The following CARMIL1 variants were observed in gnomAD, a reference collection of about 807,000 sequenced individuals.
CARMIL1 encodes F-actin-uncapping protein LRRC16A.
A neutral mutation model predicts 177.1 loss-of-function variants in CARMIL1; 90 were observed. The ratio of observed to expected loss-of-function variants is 0.51; its 90% CI spans 0.43 to 0.61. CARMIL1 has a LOEUF of 0.61. Among genes scored for constraint, CARMIL1 ranks in the 20% least tolerant of loss-of-function variants. CARMIL1 has a pLI of 0.00. For synonymous variants in CARMIL1, 577 were observed against 606.2 expected, an observed-to-expected ratio of 0.95 and a Z score of 0.71; for missense variants, 1,380 against 1,667.0, an observed-to-expected ratio of 0.83 and a Z score of 3.00.
chr6:25,544,137 C>G (rs1809191656), intron 26 of CARMIL1, among the ~76,000 whole-genome samples: 2 of 152,020 alleles, frequency 1.3e-5, no homozygotes, highest in African/African-American at 4.8e-5. Flanking sequence ...AGAAATTTAG[C>G]ATAAACCTAA....
intron 5 of CARMIL1, among the ~76,000 whole-genome samples, chr6:25,440,705 A>G (rs1797667583): frequency 6.6e-6 from 1 of 152,176 alleles, no homozygotes; most frequent in Non-Finnish European, 1.5e-5. Context: ...ATAATGCACA[A>G]TAGAACATGC....
rs1815304154 is a variant in CARMIL1 at position 25,600,637 on chromosome 6, G to A, written c.3443G>A (p.Ser1148Asn). The change falls in exon 33 of 37, where the codon AGC (serine) becomes AAC (asparagine). Residue 1148 changes from serine (S) to asparagine (N), a missense_variant. Coordinates refer to ENST00000329474, the MANE Select transcript of CARMIL1 (RefSeq NM_017640.6). ...EEIGKVERSD[S>N]KSSPQAGRRY... ...ATAGGGAAGGTGGAACGGAGTGACA[G>A]CAAGAGCAGCCCACAGGCAGGGCGG... The A allele has an allele frequency of 1.2e-6, 2 of 1,613,786 alleles. No individual in the cohort carries two copies. Among genetic ancestry groups the A allele is most frequent in the African/African-American group, 1.3e-5 (1 of 75,072 alleles).
At chr6:25,313,188 G>C (rs9461136) in intron 2 of CARMIL1, among the ~76,000 whole-genome samples, 31,605 of 151,974 alleles carry the variant, frequency 0.21, 4,231 homozygotes, top group East Asian at 0.4. Context: ...TTATCTTCAC[G>C]AGTGTGGGAA....
intron 2 of CARMIL1, among the ~76,000 whole-genome samples, chr6:25,357,900 A>G (rs1788795774): frequency 6.6e-6 from 1 of 152,222 alleles, no homozygotes; most frequent in Admixed American, 6.5e-5. Context: ...AGGTGTGATT[A>G]TCTCAGAGTT....
chr6:25,403,014 T>C (rs537518451), intron 2 of CARMIL1, among the ~76,000 whole-genome samples: 4 of 151,776 alleles, frequency 2.6e-5, no homozygotes, highest in African/African-American at 9.7e-5. Context: ...TTGATAATCT[T>C]CAGAATAACA....
intron 25 of CARMIL1, among the ~76,000 whole-genome samples, chr6:25,538,994 G>A (rs553224263): frequency 2.0e-5 from 3 of 151,902 alleles, no homozygotes; most frequent in Non-Finnish European, 4.4e-5. Flanking sequence ...TGCTGGGAGG[G>A]CTGTATACCT....
At chr6:25,452,797 C>A (rs1206166780) in intron 8 of CARMIL1, among the ~76,000 whole-genome samples, 1 of 152,142 alleles carries the variant, frequency 6.6e-6, no homozygotes, top group Non-Finnish European at 1.5e-5. Context: ...GAAAATCCAG[C>A]CTTAAAGATG....
chr6:25,561,921 A>G (rs964447183), intron 29 of CARMIL1, among the ~76,000 whole-genome samples: 2 of 152,224 alleles, frequency 1.3e-5, no homozygotes, highest in African/African-American at 4.8e-5. Context: ...GCAATTGATT[A>G]AAACACCTTT....
chr6:25,545,802 T>C (rs986467882), intron 26 of CARMIL1, among the ~76,000 whole-genome samples: 5 of 152,152 alleles, frequency 3.3e-5, no homozygotes, highest in African/African-American at 9.7e-5. Flanking sequence ...TTCTAACTCA[T>C]GGGTCAAAGA....
rs61571019 is a variant in CARMIL1, at chr6:25,555,382, TATTCATTCATTC to T, written c.2593-1293_2593-1282del. Reference sequence around the variant, plus strand: ...ATAAGTACAAACAAAAGCAATAGAGTATTCATTCATTCATTCATTCATTCATTCATTCATTCA... The same window carrying T: ...ATAAGTACAAACAAAAGCAATAGAGTATTCATTCATTCATTCATTCATTCA... On this transcript the variant is annotated intron_variant, in intron 28 of 36. Transcript: ENST00000329474. Among the ~76,000 whole-genome samples, 917 of 150,376 alleles carry T rather than the reference TATTCATTCATTC, an allele frequency of 6.1e-3. 4 individuals are homozygous for T. The highest frequency in any genetic ancestry group is 0.015 in the African/African-American group (593 of 40,808).
intron 2 of CARMIL1, among the ~76,000 whole-genome samples, chr6:25,333,034 CT>C (rs1455345745): frequency 2.0e-5 from 3 of 152,118 alleles, no homozygotes; most frequent in Non-Finnish European, 4.4e-5. Context: ...ATGGTTTACA[CT>C]CAGATGTGAT....
intron 4 of CARMIL1, among the ~76,000 whole-genome samples, chr6:25,428,266 C>T (rs947711698): frequency 9.9e-5 from 15 of 151,742 alleles, no homozygotes; most frequent in African/African-American, 2.4e-4. Flanking sequence ...TCACTTGTTC[C>T]AGTAACATTT....
chr6:25,615,420 TTTTCA>T (rs1816819903), intron 36 of CARMIL1, among the ~76,000 whole-genome samples: 1 of 152,224 alleles, frequency 6.6e-6, no homozygotes. Context: ...AAGCACATTT[TTTTCA>T]TTTCATATTA....
At chr6:25,493,865 C>T (rs1230225505) in intron 15 of CARMIL1, among the ~76,000 whole-genome samples, 3 of 152,088 alleles carry the variant, frequency 2.0e-5, no homozygotes, top group African/African-American at 7.2e-5. Context: ...GAATATACAA[C>T]TTACATTGTT....
chr6:25,290,018 C>A (rs1285376313), intron 2 of CARMIL1, among the ~76,000 whole-genome samples: 2 of 152,222 alleles, frequency 1.3e-5, no homozygotes, highest in East Asian at 3.8e-4. Context: ...CCCAGAGTGG[C>A]TGTACCATTA....
At chr6:25,583,563 T>C (rs185512631) in intron 31 of CARMIL1, among the ~76,000 whole-genome samples, 2,949 of 152,240 alleles carry the variant, frequency 0.019, 78 homozygotes, top group African/African-American at 0.061. Context: ...CATAGATGGA[T>C]GAAGGTCACA....
chr6:25,435,323 C>T (rs1373531208), intron 4 of CARMIL1, among the ~76,000 whole-genome samples, 160 bp from the exon 5 acceptor site: 7 of 151,704 alleles, frequency 4.6e-5, no homozygotes, highest in East Asian at 3.9e-4. Context: ...TGTTCACGCA[C>T]GTATGTGAGA....
chr6:25,391,986 T>C (rs1792863449), intron 2 of CARMIL1, among the ~76,000 whole-genome samples: 1 of 152,194 alleles, frequency 6.6e-6, no homozygotes, highest in African/African-American at 2.4e-5. Flanking sequence ...TACATAATTT[T>C]AGTTTTACAA....
At chr6:25,533,865 C>T (rs1808012764) in intron 24 of CARMIL1, among the ~76,000 whole-genome samples, 1 of 152,108 alleles carries the variant, frequency 6.6e-6, no homozygotes, top group African/African-American at 2.4e-5. Flanking sequence ...TCAGCATCTC[C>T]ACCACTTTGG....
Sources: allele counts gnomAD v4.1 joint callset (sites outside exome capture counted in the v4.1 genomes callset), GRCh38; gene constraint gnomAD v4.1.1; transcripts MANE v1.5; gene names NCBI Gene and HGNC (gene_info 2026-07-23, HGNC 2026-07-21).